The following IPPK variants were observed in gnomAD, a reference collection of about 807,000 sequenced individuals.
IPPK encodes IPK1 homolog.
A neutral mutation model predicts 64.6 loss-of-function variants in IPPK; 22 were observed. The ratio of observed to expected loss-of-function variants is 0.34; its 90% CI spans 0.24 to 0.49. The LOEUF (loss-of-function observed/expected upper bound fraction) is 0.49, where lower values mean the gene tolerates loss of function less well. Ranked by LOEUF, IPPK falls within the 20% of genes least tolerant of loss-of-function variation. The pLI, the probability that IPPK is intolerant of heterozygous loss-of-function variation, is 0.99. For synonymous variants in IPPK, 262 were observed against 247.2 expected, an observed-to-expected ratio of 1.06 and a Z score of -0.56; for missense variants, 532 against 630.7, an observed-to-expected ratio of 0.84 and a Z score of 1.68.
chr9:92,653,072 T>C (rs1339350361), intron 3 of IPPK, among the ~76,000 whole-genome samples: 1 of 152,242 alleles, frequency 6.6e-6, no homozygotes, highest in African/African-American at 2.4e-5. Flanking sequence ...CGCTTCCACC[T>C]GAGGAGCAGG....
chr9:92,650,688 TGTTG>T (rs1394092569), intron 4 of IPPK, among the ~76,000 whole-genome samples: 1 of 152,168 alleles, frequency 6.6e-6, no homozygotes, highest in Non-Finnish European at 1.5e-5. Flanking sequence ...CAGTGAGTTA[TGTTG>T]GTCCTTCTAG....
chr9:92,651,050 G>C (rs1005292041), intron 4 of IPPK, among the ~76,000 whole-genome samples: 2 of 152,076 alleles, frequency 1.3e-5, no homozygotes, highest in East Asian at 3.9e-4. Context: ...CAGCACCCTG[G>C]AGCCGGGCTC....
intron 1 of IPPK, among the ~76,000 whole-genome samples, 182 bp from the exon 2 acceptor site, chr9:92,658,863 G>A (rs911163860): frequency 6.6e-6 from 1 of 152,248 alleles, no homozygotes. Flanking sequence ...ACACTGGGCA[G>A]TGGGACAACC....
At chr9:92,621,281 C>T (rs1851620313) in intron 11 of IPPK, among the ~76,000 whole-genome samples, 1 of 152,040 alleles carries the variant, frequency 6.6e-6, no homozygotes, top group Non-Finnish European at 1.5e-5. Context: ...TATCAGACAT[C>T]TGGAATAAAA....
chr9:92,635,243 G>T lies in IPPK; in HGVS notation c.982C>A (p.Gln328Lys). The T allele has an allele frequency of 2.5e-6, 4 of 1,614,220 alleles. No individual in the cohort carries two copies. The highest frequency in any genetic ancestry group is 3.4e-6 in the Non-Finnish European group (4 of 1,180,018). The part of the protein sequence containing the change: ...GCLLYKTLQV[Q>K]MLDLLDIEGL... ...TCGATGTCCAGCAGGTCCAACATCT[G>T]CACCTGGAGGGTTTTGTACAGAAGA... Residue 328 changes from glutamine to lysine, a missense_variant, in exon 10 of 13, where the codon CAG becomes AAG. Coordinates refer to ENST00000287996, the MANE Select transcript of IPPK (RefSeq NM_022755.6). This position sits in a 1 kb window ranked among gnomAD's most constrained non-coding sequence, Gnocchi z 4.4.
At chr9:92,668,897 G>A (rs1482146879) in intron 1 of IPPK, among the ~76,000 whole-genome samples, 1 of 152,198 alleles carries the variant, frequency 6.6e-6, no homozygotes, top group African/African-American at 2.4e-5. Context: ...AGCAAGGCAG[G>A]ACTCCACTGC....
chr9:92,652,454 A>G (rs1852286359), intron 4 of IPPK, 119 bp downstream of exon 4: 1 of 476,278 alleles, frequency 2.1e-6, no homozygotes. Flanking sequence ...GTCTCAAAAA[A>G]AAAAAAAAAA....
At chr9:92,658,760 T>C in intron 1 of IPPK, 79 bp from the exon 2 acceptor site, 1 of 1,283,602 alleles carries the variant, frequency 7.8e-7, no homozygotes, top group South Asian at 1.2e-5. Flanking sequence ...GGGGGTCCCA[T>C]CCTCAGTGGA....
At chr9:92,643,569 A>G (rs1852092436) in intron 6 of IPPK, among the ~76,000 whole-genome samples, 1 of 151,500 alleles carries the variant, frequency 6.6e-6, no homozygotes, top group Non-Finnish European at 1.5e-5. Flanking sequence ...AACAATGGAT[A>G]CAGTGTAATG....
At chr9:92,656,386 A>G in intron 3 of IPPK, 70 bp downstream of exon 3, 2 of 970,920 alleles carry the variant, frequency 2.1e-6, no homozygotes, top group East Asian at 2.4e-5. Flanking sequence ...AGTTCCAAAG[A>G]TCACCGGGAA....
At chr9:92,659,647 G>C (rs748253648) in intron 1 of IPPK, among the ~76,000 whole-genome samples, 17 of 152,138 alleles carry the variant, frequency 1.1e-4, no homozygotes, top group Non-Finnish European at 2.4e-4. Context: ...CGAGGCCACA[G>C]GGCAAAGCCT....
chr9:92,669,952 AC>A lies in IPPK; in HGVS notation c.36del (p.Tyr13ThrfsTer23), dbSNP rs912773560. ...EEGKMDENEW[G>X]YHGEGNKSLV... ...AGGCTCTTATTGCCCTCTCCGTGGT[AC>A]CCCCATTCATTCTCGTCCATCTTCC... is the stretch of plus-strand genomic sequence containing the variant. On this transcript the variant is annotated frameshift_variant, in exon 1 of 13. Transcript: ENST00000287996. LOFTEE classifies it high-confidence loss of function. The A allele has an allele frequency of 1.2e-6, 2 of 1,613,030 alleles. No individual in the cohort carries two copies. Among genetic ancestry groups the A allele is most frequent in the African/African-American group, 1.3e-5 (1 of 74,882 alleles).
At chr9:92,629,602 A>C (rs1473276842) in intron 11 of IPPK, among the ~76,000 whole-genome samples, 1 of 152,008 alleles carries the variant, frequency 6.6e-6, no homozygotes, top group Admixed American at 6.6e-5. Context: ...AATACAAAAA[A>C]TTAGCCAGGG....
Position 92,625,413 on chromosome 9 carries a change from C to T in IPPK, c.1171-5848G>A, listed in dbSNP as rs1423255360. On this transcript the variant is annotated intron_variant, in intron 11 of 12. Transcript: ENST00000287996. ...CAGAAATGCTATGTTAAGTGCACAA[C>T]GGTAGATGTACAAAAATGTGAATGT... Among the ~76,000 whole-genome samples the T allele has an allele frequency of 3.9e-5, 6 of 152,166 alleles. No individual in the cohort carries two copies. In the South Asian group the frequency reaches 8.3e-4, roughly 21 times the overall value.
chr9:92,624,613 G>A (rs1419250844), intron 11 of IPPK, among the ~76,000 whole-genome samples: 1 of 152,136 alleles, frequency 6.6e-6, no homozygotes, highest in Non-Finnish European at 1.5e-5. Context: ...CAGCCTGGAC[G>A]ATGAAATGAA....
At chr9:92,632,408 G>A (rs1159165549) in intron 11 of IPPK, among the ~76,000 whole-genome samples, 2 of 152,198 alleles carry the variant, frequency 1.3e-5, no homozygotes, top group Non-Finnish European at 1.5e-5. Flanking sequence ...CCTTCTGCTA[G>A]TTAAGTAATG....
At chr9:92,625,718 C>G (rs745900981) in intron 11 of IPPK, among the ~76,000 whole-genome samples, 54 of 152,322 alleles carry the variant, frequency 3.5e-4, no homozygotes, top group Non-Finnish European at 5.9e-4. Flanking sequence ...GTGCCACTAT[C>G]AGCACTGATT....
At position 92,616,387 on chromosome 9, in the gene IPPK, T is replaced by A. The variant is rs146643723; in HGVS notation, c.1251-330A>T. ...AAAGGACTGAAAGATGGAAAAGTAA[T>A]TATGTGGAACATGTGAGCGATGTTC... On this transcript the variant is annotated intron_variant, in intron 12 of 12. Coordinates refer to ENST00000287996, the MANE Select transcript of IPPK (RefSeq NM_022755.6). 616 of 229,380 alleles carry A rather than the reference T, an allele frequency of 2.7e-3. 2 individuals are homozygous for A. The highest frequency in any genetic ancestry group is 4.2e-3 in the Non-Finnish European group (488 of 115,944). The allele number at this position is 229,380 out of a possible 1,614,324, so 14.2% of individuals were successfully genotyped here. A position where few individuals can be genotyped will look rare whatever the true frequency, so the allele number is the denominator to read the frequency against.
chr9:92,626,056 G>A (rs1851727804), intron 11 of IPPK, among the ~76,000 whole-genome samples: 1 of 151,998 alleles, frequency 6.6e-6, no homozygotes, highest in Admixed American at 6.6e-5. Context: ...AAATACCAAG[G>A]AGATGTGAAA....
Sources: gnomAD v4.1 joint callset for allele counts (sites outside exome capture counted in the v4.1 genomes callset) on GRCh38, gnomAD v4.1.1 for gene constraint, Gnocchi (gnomAD v3.1) non-coding constraint, MANE v1.5 for transcripts, NCBI Gene and HGNC (gene_info 2026-07-23, HGNC 2026-07-21) for gene names.